The following PHF21A variants were observed in gnomAD, a reference collection of about 807,000 sequenced individuals.
PHF21A encodes BHC80a.
In PHF21A, 11 loss-of-function variants were observed where a neutral mutation model predicts 82.5. That is an observed-to-expected ratio of 0.13 (90% CI 0.08 to 0.22). PHF21A has a LOEUF of 0.22. PHF21A is among the 10% of genes least tolerant of loss of function. The pLI, the probability that PHF21A is intolerant of heterozygous loss-of-function variation, is 1.00. For missense variants in PHF21A, 579 were observed against 837.8 expected (o/e 0.69, Z 3.81); for synonymous variants, 297 against 302.8 (o/e 0.98, Z 0.20).
chr11:46,103,879 T>C (rs1444891651), intron 1 of PHF21A, among the ~76,000 whole-genome samples: 3 of 152,180 alleles, frequency 2.0e-5, no homozygotes, highest in African/African-American at 7.2e-5. Flanking sequence ...ACTTATAAGA[T>C]AGAGACATTC....
At chr11:45,948,290 T>A (rs1374213244) in intron 14 of PHF21A, among the ~76,000 whole-genome samples, 2 of 152,222 alleles carry the variant, frequency 1.3e-5, no homozygotes. Context: ...GATTCTGGAA[T>A]GTCCATGGGA....
intron 1 of PHF21A, among the ~76,000 whole-genome samples, chr11:46,093,968 T>C (rs754622691): frequency 3.1e-4 from 47 of 152,072 alleles, no homozygotes; most frequent in Non-Finnish European, 5.3e-4. Context: ...AAATTAAAAT[T>C]AAGAACTTCT....
intron 15 of PHF21A, among the ~76,000 whole-genome samples, chr11:45,941,666 G>A (rs1474880519): frequency 6.6e-6 from 1 of 152,212 alleles, no homozygotes; most frequent in South Asian, 2.1e-4. Context: ...AAAAAGAGCA[G>A]AGGAAGTCCT....
At chr11:45,999,821 T>C (rs2095054773) in intron 6 of PHF21A, among the ~76,000 whole-genome samples, 1 of 152,226 alleles carries the variant, frequency 6.6e-6, no homozygotes, top group Non-Finnish European at 1.5e-5. Context: ...ATGTTTCATT[T>C]TGTTCAAGCA....
At chr11:46,014,258 T>C (rs904643885) in intron 6 of PHF21A, among the ~76,000 whole-genome samples, 9 of 152,220 alleles carry the variant, frequency 5.9e-5, no homozygotes, top group African/African-American at 2.2e-4. Context: ...AATGAGAACA[T>C]ATAATATTCA....
chr11:46,060,287 T>C (rs1481388607), intron 6 of PHF21A, among the ~76,000 whole-genome samples: 1 of 152,136 alleles, frequency 6.6e-6, no homozygotes, highest in Non-Finnish European at 1.5e-5. Context: ...CATAAGCCAC[T>C]ACACCCCAAC....
intron 6 of PHF21A, among the ~76,000 whole-genome samples, chr11:46,030,894 T>G (rs1218240705): frequency 6.6e-6 from 1 of 151,134 alleles, no homozygotes; most frequent in Non-Finnish European, 1.5e-5. Context: ...TTCTACTTTT[T>G]GGGGGAAGTG....
intron 6 of PHF21A, among the ~76,000 whole-genome samples, chr11:45,988,837 G>C (rs2094581001): frequency 6.6e-6 from 1 of 152,174 alleles, no homozygotes; most frequent in Non-Finnish European, 1.5e-5. Context: ...GTTGCAGTGA[G>C]CCATGATCCT....
chr11:45,933,768 T>C lies in PHF21A; in HGVS notation c.*200A>G, dbSNP rs2088031295. Reference sequence around the variant, plus strand: ...CACTATTTCATGTAACATGGTCCAATCTTTGCATGTACACACAGAATAAGA... The same window carrying C: ...CACTATTTCATGTAACATGGTCCAACCTTTGCATGTACACACAGAATAAGA... On this transcript the variant is annotated 3_prime_UTR_variant, in exon 19 of 19. Coordinates refer to ENST00000676320, the MANE Select transcript of PHF21A (RefSeq NM_001352027.3). 2 of 456,114 alleles carry C rather than the reference T, an allele frequency of 4.4e-6. No homozygotes were observed. The highest frequency in any genetic ancestry group is 2.0e-5 in the African/African-American group (1 of 49,582). 28.3% of individuals were successfully genotyped at this position (456,114 alleles called of 1,614,324 possible).
At chr11:46,003,353 T>C (rs1266625102) in intron 6 of PHF21A, among the ~76,000 whole-genome samples, 1 of 151,978 alleles carries the variant, frequency 6.6e-6, no homozygotes, top group African/African-American at 2.4e-5. Context: ...CAGACTCTCT[T>C]CGGTGTTAAT....
intron 10 of PHF21A, among the ~76,000 whole-genome samples, chr11:45,960,217 T>C (rs2135777858): frequency 6.6e-6 from 1 of 152,330 alleles, no homozygotes; most frequent in East Asian, 1.9e-4. Context: ...GTCATACAAA[T>C]GCTTGCACAT....
chr11:46,025,821 G>T (rs572427596), intron 6 of PHF21A, among the ~76,000 whole-genome samples: 52 of 152,206 alleles, frequency 3.4e-4, no homozygotes, highest in African/African-American at 1.2e-3. Context: ...CAGAGTCATC[G>T]GCAGATATGT....
At chr11:46,058,016 G>T (rs1257916493) in intron 6 of PHF21A, among the ~76,000 whole-genome samples, 1 of 152,170 alleles carries the variant, frequency 6.6e-6, no homozygotes, top group Non-Finnish European at 1.5e-5. Context: ...TTTTCCGTCA[G>T]TTAAGTTTCC....
At chr11:45,963,631 T>C (rs1373050617) in intron 10 of PHF21A, among the ~76,000 whole-genome samples, 1 of 152,040 alleles carries the variant, frequency 6.6e-6, no homozygotes, top group Non-Finnish European at 1.5e-5. Context: ...AGAAAAGAAA[T>C]GTAAAAATAA....
chr11:46,065,642 C>G (rs1344313380), intron 6 of PHF21A, among the ~76,000 whole-genome samples: 2 of 152,218 alleles, frequency 1.3e-5, no homozygotes, highest in African/African-American at 4.8e-5. Flanking sequence ...ATCTATATTA[C>G]AGTTGAGGAA....
At chr11:46,109,274 C>G (rs1282242890) in intron 1 of PHF21A, among the ~76,000 whole-genome samples, 1 of 152,104 alleles carries the variant, frequency 6.6e-6, no homozygotes, top group Non-Finnish European at 1.5e-5. Context: ...AATAGTAAAT[C>G]CTCAGAATAT....
chr11:46,114,104 C>CACAT lies in PHF21A; in HGVS notation c.-237+6830_-237+6831insATGT, dbSNP rs397742571. 6.2e-3 allele frequency among the ~76,000 whole-genome samples: 902 copies of CACAT among 146,312 alleles called. 2 individuals carry two copies. Among genetic ancestry groups the CACAT allele is most frequent in the Non-Finnish European group, 9.5e-3 (645 of 67,880 alleles). ...AATTCCCTACACACACACACACACA[C>CACAT]GCACACATCCCCACACACACACGCT... On this transcript the variant is annotated intron_variant, in intron 1 of 18. Coordinates refer to ENST00000676320, the MANE Select transcript of PHF21A (RefSeq NM_001352027.3).
Position 46,022,870 on chromosome 11 carries a change from C to T in PHF21A, c.154-42904G>A, listed in dbSNP as rs532082144. 3.3e-5 allele frequency among the ~76,000 whole-genome samples: 5 copies of T among 152,218 alleles called. No homozygotes were observed. The East Asian group carries it at 9.7e-4, about 29-fold the overall frequency. On this transcript the variant is annotated intron_variant, in intron 6 of 18. Coordinates refer to ENST00000676320, the MANE Select transcript of PHF21A (RefSeq NM_001352027.3). ...AGATCTTGGCTCACTGCAACCTCCA[C>T]CTCCTGAGTAGCTGGGATTACAAGT...
intron 6 of PHF21A, among the ~76,000 whole-genome samples, chr11:46,002,039 A>G (rs117698574): frequency 6.6e-6 from 1 of 152,348 alleles, no homozygotes; most frequent in East Asian, 1.9e-4. Flanking sequence ...AAATATAAAG[A>G]AAAGAGTGAC....
Sources: allele counts gnomAD v4.1 joint callset (sites outside exome capture counted in the v4.1 genomes callset), GRCh38; gene constraint gnomAD v4.1.1; transcripts MANE v1.5; gene names NCBI Gene and HGNC (gene_info 2026-07-23, HGNC 2026-07-21).